Variants in POP1 observed in about 807,000 individuals in gnomAD.
The protein encoded by POP1 is POP1 ribonuclease P/MRP subunit.
Under a neutral mutation model 102.2 loss-of-function variants are expected in POP1, and 75 were observed. The ratio of observed to expected loss-of-function variants is 0.73; its 90% CI spans 0.61 to 0.89. POP1 has a LOEUF of 0.89. POP1 is among the 40% of genes least tolerant of loss of function. The pLI is 0.00. For synonymous variants in POP1, 436 were observed against 464.1 expected (o/e 0.94, Z 0.78); for missense variants, 1,116 against 1,267.4 (o/e 0.88, Z 1.81).
chr8:98,127,856 C>G (rs75598961), intron 3 of POP1, 94 bp downstream of exon 3: 51,124 of 1,308,894 alleles, frequency 0.039, 1,199 homozygotes, highest in South Asian at 0.068. Context: ...CTGGCTCTGC[C>G]TCCCCTACCT....
intron 11 of POP1, among the ~76,000 whole-genome samples, chr8:98,144,041 AG>A (rs1816778611): frequency 6.6e-6 from 1 of 151,768 alleles, no homozygotes; most frequent in Non-Finnish European, 1.5e-5. Flanking sequence ...CTATAATCCC[AG>A]CTACTTGGGA....
Position 98,134,606 on chromosome 8 carries a change from G to C in POP1, c.958G>C (p.Asp320His). Residue 320 changes from aspartate (D) to histidine (H), a missense_variant, in exon 7 of 16, where the codon GAC becomes CAC. Coordinates refer to ENST00000401707, the MANE Select transcript of POP1 (RefSeq NM_001145860.2). ...FIWKSQRTPG[D>H]PSESRQLWIW... ...CTGGAAGTCCCAGAGGACCCCGGGT[G>C]ACCCTTCTGAGAGCAGGCAGCTGTG... The C allele has an allele frequency of 2.5e-6, 4 of 1,614,072 alleles. No homozygotes were observed. The highest frequency in any genetic ancestry group is 3.4e-6 in the Non-Finnish European group (4 of 1,179,932).
intron 11 of POP1, among the ~76,000 whole-genome samples, chr8:98,144,155 T>C (rs1180231509): frequency 6.7e-6 from 1 of 148,632 alleles, no homozygotes; most frequent in Non-Finnish European, 1.5e-5. Flanking sequence ...CAAGACTCCA[T>C]CTAAAAAAAA....
chr8:98,146,503 T>C (rs1372240255), intron 11 of POP1, 65 bp from the exon 12 acceptor site: 1 of 1,133,830 alleles, frequency 8.8e-7, no homozygotes, highest in Non-Finnish European at 1.3e-6. Flanking sequence ...CTATTGCCAA[T>C]GTTTGGAGTT....
In POP1 at chr8:98,155,634, T is replaced by A. The variant is rs536397209; in HGVS notation, c.2058-416T>A. On this transcript the variant is annotated intron_variant, in intron 14 of 15. Transcript: ENST00000401707. Reference sequence around the variant, plus strand: ...TCTCACTCTGTTGCCCAGGCTGGAGTGCAATGGTGTGATCTCAGCTCACTG... The same window carrying A: ...TCTCACTCTGTTGCCCAGGCTGGAGAGCAATGGTGTGATCTCAGCTCACTG... Among the ~76,000 whole-genome samples, 10 of 151,966 alleles carry A rather than the reference T, an allele frequency of 6.6e-5. No homozygotes were observed. The South Asian group carries it at 2.1e-3, about 32-fold the overall frequency.
intron 15 of POP1, 80 bp from the exon 16 acceptor site, chr8:98,157,537 C>T (rs1484599245): frequency 2.4e-5 from 35 of 1,482,084 alleles, no homozygotes; most frequent in Non-Finnish European, 2.7e-5. Flanking sequence ...CAAATTAATT[C>T]TAGCAGTGTC....
At chr8:98,141,437 G>A (rs940653721) in intron 11 of POP1, among the ~76,000 whole-genome samples, 1 of 152,090 alleles carries the variant, frequency 6.6e-6, no homozygotes, top group Non-Finnish European at 1.5e-5. Context: ...GAGATTGGCA[G>A]CAATTTTGAT....
In POP1 at chr8:98,158,463, CT is replaced by C; in HGVS notation, c.*193del. ...TAATGTCATTGATTTTCATCTTTCCCTGTCCTTGCTGTAATACTTTTAAATT... is the reference window on the plus strand; with the variant it reads ...TAATGTCATTGATTTTCATCTTTCCCGTCCTTGCTGTAATACTTTTAAATT... On this transcript the variant is annotated 3_prime_UTR_variant, in exon 16 of 16. Transcript: ENST00000401707. The C allele has an allele frequency of 1.5e-6, 1 of 646,100 alleles. No individual in the cohort carries two copies. The highest frequency in any genetic ancestry group is 2.6e-6 in the Non-Finnish European group (1 of 378,396). 40.0% of individuals were successfully genotyped at this position (646,100 alleles called of 1,614,324 possible). A position where few individuals can be genotyped will look rare whatever the true frequency, so the allele number is the denominator to read the frequency against.
In POP1 at chr8:98,134,000, C is replaced by A; in HGVS notation, c.787C>A (p.Leu263Ile). 1.2e-6 allele frequency: 2 copies of A among 1,613,316 alleles called. No individual in the cohort carries two copies. The highest frequency in any genetic ancestry group is 1.7e-6 in the Non-Finnish European group (2 of 1,179,314). ...GTTGAAAGGCAAAGAGGAAGAAATA[C>A]TAAAGGCGCTTTCTGGAATGTGTAA... ...LELKGKEEEI[L>I]KALSGMCNID... The change falls in exon 6 of 16, where the codon CTA (leucine) becomes ATA (isoleucine). Residue 263 changes from leucine (L) to isoleucine (I), a missense_variant. Transcript: ENST00000401707.
At chr8:98,124,423 A>G (rs1816134503) in intron 2 of POP1, among the ~76,000 whole-genome samples, 1 of 152,032 alleles carries the variant, frequency 6.6e-6, no homozygotes, top group Non-Finnish European at 1.5e-5. Context: ...TTAGCCAGAC[A>G]TGGTGGTGTG....
In POP1 at chr8:98,119,787, A is replaced by G. The variant is rs182006239; in HGVS notation, c.-3+2397A>G. On this transcript the variant is annotated intron_variant, in intron 1 of 15. Transcript: ENST00000401707. Reference sequence around the variant, plus strand: ...GGGATGAGTTCTCACTATGTTGCTCAGGTTGGTTTCTCCTGAGCTCAAGCA... The same window carrying G: ...GGGATGAGTTCTCACTATGTTGCTCGGGTTGGTTTCTCCTGAGCTCAAGCA... 2.6e-5 allele frequency among the ~76,000 whole-genome samples: 4 copies of G among 152,248 alleles called. No individual in the cohort carries two copies. The East Asian group carries it at 7.7e-4, about 29-fold the overall frequency.
intron 4 of POP1, 92 bp from the exon 5 acceptor site, chr8:98,129,886 T>C: frequency 7.0e-7 from 1 of 1,425,660 alleles, no homozygotes; most frequent in Non-Finnish European, 9.8e-7. Flanking sequence ...AATATTCCAC[T>C]TAATCTAAAG....
At chr8:98,139,728 C>CAA (rs148557625) in intron 9 of POP1, among the ~76,000 whole-genome samples, 7,374 of 151,470 alleles carry the variant, frequency 0.049, 232 homozygotes, top group Middle Eastern at 0.17. Context: ...GAGACTGTGT[C>CAA]AAGAAAAAAA....
In POP1 at chr8:98,149,820, A is replaced by G. The variant is rs150205356; in HGVS notation, c.1903-665A>G. On this transcript the variant is annotated intron_variant, in intron 13 of 15. Coordinates refer to ENST00000401707, the MANE Select transcript of POP1 (RefSeq NM_001145860.2). ...AATAAATAAATATTACTTCGATTCT[A>G]GAGAGTGTAAAAGGCATGTGAGACT... is the stretch of plus-strand genomic sequence containing the variant. Among the ~76,000 whole-genome samples the G allele has an allele frequency of 6.9e-3, 1,050 of 152,274 alleles. 14 individuals carry two copies. The highest frequency in any genetic ancestry group is 0.024 in the African/African-American group (989 of 41,564).
At position 98,128,482 on chromosome 8, in the gene POP1, C is replaced by T. The variant is rs765101235; in HGVS notation, c.428C>T (p.Ala143Val). 2.5e-6 allele frequency: 4 copies of T among 1,613,854 alleles called. No homozygotes were observed. In the African/African-American group the frequency reaches 5.3e-5, roughly 22 times the overall value. ...QTLPRHMRRR[A>V]MSHNVKRLPR... is the part of the protein sequence containing the mutation. ...CTGCCACGGCACATGCGACGAAGAG[C>T]CATGAGCCACAACGTCAAACGCCTT... Residue 143 changes from alanine (A) to valine (V), a missense_variant, in exon 4 of 16, where the codon GCC (alanine) becomes GTC (valine). By Grantham distance (64) the Ala-to-Val change is moderately conservative (BLOSUM62 0). Coordinates refer to ENST00000401707, the MANE Select transcript of POP1 (RefSeq NM_001145860.2).
intron 14 of POP1, among the ~76,000 whole-genome samples, chr8:98,155,741 C>T (rs767986736): frequency 4.0e-5 from 6 of 150,038 alleles, no homozygotes; most frequent in Admixed American, 6.7e-5. Context: ...CCACCATGCC[C>T]GGCTAATTTT....
Position 98,158,072 on chromosome 8 carries a change from G to T in POP1, c.2876G>T (p.Cys959Phe). ...CCTCTGCCGCGTGTGACGTTGCACT[G>T]CTCCAGAACTCTCCTAGGCTTTGTG... Reference protein sequence around the residue: ...SGPLPRVTLHCSRTLLGFVTQ... With the variant: ...SGPLPRVTLHFSRTLLGFVTQ... Residue 959 changes from cysteine to phenylalanine, a missense_variant, in exon 16 of 16, where the codon TGC becomes TTC. By Grantham distance (205) the Cys-to-Phe change is radical. Coordinates refer to ENST00000401707, the MANE Select transcript of POP1 (RefSeq NM_001145860.2). 6.2e-7 allele frequency: 1 copy of T among 1,608,856 alleles called. No homozygotes were observed.
rs540629085 is a variant in POP1, at chr8:98,121,875, C to T, written c.-2-1461C>T. 2.1e-4 allele frequency among the ~76,000 whole-genome samples: 32 copies of T among 151,834 alleles called. No homozygotes were observed. In the East Asian group the frequency reaches 4.3e-3, roughly 20 times the overall value. ...TTTTTTTGTATTTTTTTAGTAGAGA[C>T]GGGGTTTCACTGTGTTAGCCAAGAT... On this transcript the variant is annotated intron_variant, in intron 1 of 15. Transcript: ENST00000401707.
intron 7 of POP1, among the ~76,000 whole-genome samples, chr8:98,135,794 G>A (rs1341159698): frequency 2.0e-5 from 3 of 151,800 alleles, no homozygotes. Flanking sequence ...TACTTCCCAG[G>A]CTCAAATGAT....
Sources: gnomAD v4.1 joint callset for allele counts (sites outside exome capture counted in the v4.1 genomes callset) on GRCh38, gnomAD v4.1.1 for gene constraint, MANE v1.5 for transcripts, NCBI Gene and HGNC (gene_info 2026-07-23, HGNC 2026-07-21) for gene names.